CHAMP1: variants seen among roughly 807,000 people sequenced by gnomAD.
CHAMP1 encodes chromosome alignment-maintaining phosphoprotein 1.
A neutral mutation model predicts 54.5 loss-of-function variants in CHAMP1; 4 were observed. That is an observed-to-expected ratio of 0.07 (90% CI 0.04 to 0.17). CHAMP1 has a LOEUF of 0.17. Among genes scored for constraint, CHAMP1 ranks in the 10% least tolerant of loss-of-function variants. The pLI, the probability that CHAMP1 is intolerant of heterozygous loss-of-function variation, is 1.00. For missense variants in CHAMP1, 994 were observed against 968.6 expected, an observed-to-expected ratio of 1.03 and a Z score of -0.35; for synonymous variants, 368 against 342.2, an observed-to-expected ratio of 1.08 and a Z score of -0.83.
chr13:114,317,063 G>T (rs913383613), intron 1 of CHAMP1, among the ~76,000 whole-genome samples: 1 of 152,026 alleles, frequency 6.6e-6, no homozygotes, highest in Non-Finnish European at 1.5e-5. Flanking sequence ...CTGTTGCCCA[G>T]CTGGAGTGCA....
intron 1 of CHAMP1, among the ~76,000 whole-genome samples, chr13:114,316,364 C>T (rs111815492): frequency 0.044 from 6,705 of 151,628 alleles, 369 homozygotes; most frequent in African/African-American, 0.12. Context: ...GGTTTCTCCA[C>T]GTTGGTTAGG....
intron 1 of CHAMP1, among the ~76,000 whole-genome samples, chr13:114,316,752 A>ATTT (rs201616810): frequency 1.5e-5 from 2 of 136,898 alleles, no homozygotes; most frequent in Non-Finnish European, 3.2e-5. Context: ...AGTGCTTTGG[A>ATTT]TTTTTTTTTT....
Position 114,326,849 on chromosome 13 carries a change from A to G in CHAMP1, c.*568A>G, listed in dbSNP as rs2087257620. 1 of 167,046 alleles carries G rather than the reference A, an allele frequency of 6.0e-6. No homozygotes were observed. The highest frequency in any genetic ancestry group is 1.5e-5 in the Non-Finnish European group (1 of 68,108). The allele number at this position is 167,046 out of a possible 1,614,324, so 10.3% of individuals were successfully genotyped here. ...GGTTGCTGATTTTCTGCTAATGGGA[A>G]AAATTGACTAAGTCTTTAAAATAGT... On this transcript the variant is annotated 3_prime_UTR_variant, in exon 3 of 3. Transcript: ENST00000361283.
Position 114,325,810 on chromosome 13 carries a change from G to A in CHAMP1, c.1968G>A (p.Glu656=), listed in dbSNP as rs2087242852. ...GCCAGGAATCAAGCAGTGATCAAGAGCAGGTTGATGTGGAATCCATTGATT... is the reference window on the plus strand; with the variant it reads ...GCCAGGAATCAAGCAGTGATCAAGAACAGGTTGATGTGGAATCCATTGATT... The part of the protein sequence containing the change: ...IKGQESSSDQ[E]QVDVESIDFS... Residue 656 remains glutamate (E), a synonymous_variant, in exon 3 of 3, where the codon GAG becomes GAA. Coordinates refer to ENST00000361283, the MANE Select transcript of CHAMP1 (RefSeq NM_032436.4). The A allele has an allele frequency of 2.5e-6, 4 of 1,614,166 alleles. No homozygotes were observed. The highest frequency in any genetic ancestry group is 3.4e-6 in the Non-Finnish European group (4 of 1,180,032).
intron 1 of CHAMP1, among the ~76,000 whole-genome samples, chr13:114,316,596 AAAT>A (rs1430800281): frequency 6.6e-6 from 1 of 151,996 alleles, no homozygotes; most frequent in East Asian, 1.9e-4. Context: ...TCTCAAAAAA[AAAT>A]AAATAAATAA....
In CHAMP1 at chr13:114,326,413, G is replaced by GT. The variant is rs2087252077; in HGVS notation, c.*134dup. 1.9e-6 allele frequency: 2 copies of GT among 1,041,090 alleles called. No homozygotes were observed. The highest frequency in any genetic ancestry group is 2.7e-6 in the Non-Finnish European group (2 of 748,906). The allele number at this position is 1,041,090 out of a possible 1,614,324, so 64.5% of individuals were successfully genotyped here. ...TACCGTGTTTCACTGTCTCAGTTGT[G>GT]TTACTAAGAATGAGCATTTGATCAT... On this transcript the variant is annotated 3_prime_UTR_variant, in exon 3 of 3. Transcript: ENST00000361283.
At position 114,325,676 on chromosome 13, in the gene CHAMP1, T is replaced by G; in HGVS notation, c.1834T>G (p.Leu612Val). 1 of 1,613,830 alleles carries G rather than the reference T, an allele frequency of 6.2e-7. No individual in the cohort carries two copies. The highest frequency in any genetic ancestry group is 1.1e-5 in the South Asian group (1 of 91,032). The change falls in exon 3 of 3, where the codon TTA (leucine) becomes GTA (valine). Residue 612 changes from leucine to valine, a missense_variant. Physicochemically the swap from Leu to Val is conservative, Grantham distance 32 (BLOSUM62 1). This residue lies in a region of CHAMP1 where 851 missense variants were observed against 701.3 expected (regional missense o/e 1.21). Coordinates refer to ENST00000361283, the MANE Select transcript of CHAMP1 (RefSeq NM_032436.4). ...ASPKKLLEDT[L>V]FPSSKKLKKD... is the part of the protein sequence containing the mutation. ...ACCTAAGAAACTCTTAGAAGATACT[T>G]TATTTCCTTCCTCAAAGAAGCTCAA...
rs376779518 is a variant in CHAMP1 at position 114,318,189 on chromosome 13, T to C, written c.-178-2921T>C. ...ACCAGAATAAAAAAACTGTTCCCTC[T>C]GACCTCAGTGTTGTGATCTTTGACA... On this transcript the variant is annotated intron_variant, in intron 1 of 2. Transcript: ENST00000361283. Among the ~76,000 whole-genome samples the C allele has an allele frequency of 1.4e-4, 21 of 152,328 alleles. No individual in the cohort carries two copies. The East Asian group carries it at 3.5e-3, about 25-fold the overall frequency.
chr13:114,314,900 A>T (rs1274568538), intron 1 of CHAMP1, among the ~76,000 whole-genome samples: 1 of 152,154 alleles, frequency 6.6e-6, no homozygotes, highest in Non-Finnish European at 1.5e-5. Flanking sequence ...GTTTGAAACC[A>T]TTGGGAAGTT....
rs2087252041 is a variant in CHAMP1, at chr13:114,326,412, T to A, written c.*131T>A. The A allele has an allele frequency of 3.8e-6, 4 of 1,051,442 alleles. No homozygotes were observed. In the South Asian group the frequency reaches 8.4e-5, roughly 22 times the overall value. 65.1% of individuals were successfully genotyped at this position (1,051,442 alleles called of 1,614,324 possible). A position where few individuals can be genotyped will look rare whatever the true frequency, so the allele number is the denominator to read the frequency against. ...GTACCGTGTTTCACTGTCTCAGTTG[T>A]GTTACTAAGAATGAGCATTTGATCA... On this transcript the variant is annotated 3_prime_UTR_variant, in exon 3 of 3. Transcript: ENST00000361283.
rs541199861 is a variant in CHAMP1, at chr13:114,326,340, A to G, written c.*59A>G. On this transcript the variant is annotated 3_prime_UTR_variant, in exon 3 of 3. Coordinates refer to ENST00000361283, the MANE Select transcript of CHAMP1 (RefSeq NM_032436.4). ...TTTGTTGGAACCATTCTTTGTAAGT[A>G]TAGCTTATCAGATAGCATAGTTGGA... is the stretch of plus-strand genomic sequence containing the variant. 8.0e-6 allele frequency: 12 copies of G among 1,503,012 alleles called. No individual in the cohort carries two copies. The South Asian group carries it at 1.2e-4, about 16-fold the overall frequency. The allele number at this position is 1,503,012 out of a possible 1,614,324, so 93.1% of individuals were successfully genotyped here. A position where few individuals can be genotyped will look rare whatever the true frequency, so the allele number is the denominator to read the frequency against.
rs139187778 is a variant in CHAMP1 at position 114,324,099 on chromosome 13, C to A, written c.257C>A (p.Ala86Glu). The A allele has an allele frequency of 9.3e-6, 15 of 1,614,098 alleles. No individual in the cohort carries two copies. In the African/African-American group the frequency reaches 1.9e-4, roughly 20 times the overall value. ...NVYYHITSKH[A>E]SPDKWNDKPK... ...TACTATCACATCACATCCAAACATG[C>A]ATCCCCAGACAAATGGAATGATAAA... The change falls in exon 3 of 3, where the codon GCA becomes GAA. Residue 86 changes from alanine (A) to glutamate (E), a missense_variant. Ala to Glu is a moderately radical substitution (Grantham distance 107). Transcript: ENST00000361283.
chr13:114,320,664 G>A (rs1048759811), intron 1 of CHAMP1, among the ~76,000 whole-genome samples: 2 of 152,080 alleles, frequency 1.3e-5, no homozygotes, highest in Non-Finnish European at 2.9e-5. Context: ...TTTCATAAAA[G>A]TAAGTGTTCG....
chr13:114,325,050 C>T lies in CHAMP1; in HGVS notation c.1208C>T (p.Thr403Met), dbSNP rs1566791959. The T allele has an allele frequency of 3.1e-6, 5 of 1,614,050 alleles. No individual in the cohort carries two copies. The highest frequency in any genetic ancestry group is 1.3e-5 in the African/African-American group (1 of 74,906). Reference protein sequence around the residue: ...GPPELRKTAPTLSPEHWKAVP... With the variant: ...GPPELRKTAPMLSPEHWKAVP... ...CCAGAACTCCGAAAGACAGCTCCCA[C>T]GTTGTCTCCTGAACATTGGAAGGCA... Residue 403 changes from threonine to methionine, a missense_variant, in exon 3 of 3, where the codon ACG becomes ATG. Transcript: ENST00000361283.
In CHAMP1 at chr13:114,326,258, C is replaced by T. The variant is rs781807614; in HGVS notation, c.2416C>T (p.Pro806Ser). ...AAAGCTAATGGAAGCTCTTGAACCGCCACTGGAGGAGCAGCAAATTTGATA... is the reference window on the plus strand; with the variant it reads ...AAAGCTAATGGAAGCTCTTGAACCGTCACTGGAGGAGCAGCAAATTTGATA... ...NKKLMEALEP[P>S]LEEQQI Residue 806 changes from proline to serine, a missense_variant, in exon 3 of 3, where the codon CCA becomes TCA. By Grantham distance (74) the Pro-to-Ser change is moderately conservative. Transcript: ENST00000361283. 5.1e-6 allele frequency: 8 copies of T among 1,573,638 alleles called. No homozygotes were observed. The East Asian group carries it at 1.8e-4, about 35-fold the overall frequency.
At chr13:114,316,278 C>G (rs968932672) in intron 1 of CHAMP1, among the ~76,000 whole-genome samples, 6 of 151,208 alleles carry the variant, frequency 4.0e-5, no homozygotes, top group Middle Eastern at 3.2e-3. Context: ...ATTCTCCTGC[C>G]TCAGCCTCCC....
chr13:114,325,849 C>G lies in CHAMP1; in HGVS notation c.2007C>G (p.Asn669Lys). The G allele has an allele frequency of 6.2e-7, 1 of 1,614,030 alleles. No individual in the cohort carries two copies. Residue 669 changes from asparagine (N) to lysine (K), a missense_variant, in exon 3 of 3, where the codon AAC (asparagine) becomes AAG (lysine). By Grantham distance (94) the Asn-to-Lys change is moderately conservative. Around this residue, in one of 3 missense-constraint regions of CHAMP1, gnomAD observed 851 missense variants for 701.3 expected, o/e 1.21. Transcript: ENST00000361283. ...DVESIDFSKE[N>K]KMDMTSPEQS... ...AATCCATTGATTTTAGCAAAGAGAA[C>G]AAAATGGACATGACTAGTCCAGAGC...
At position 114,326,205 on chromosome 13, in the gene CHAMP1, A is replaced by G; in HGVS notation, c.2363A>G (p.Gln788Arg). The G allele has an allele frequency of 6.2e-7, 1 of 1,606,608 alleles. No homozygotes were observed. Among genetic ancestry groups the G allele is most frequent in the Non-Finnish European group, 8.5e-7 (1 of 1,176,248 alleles). Reference protein sequence around the residue: ...RGFKKHLTHCQSRHNEEANKK... With the variant: ...RGFKKHLTHCRSRHNEEANKK... ...TTTAAGAAACATTTAACTCATTGTC[A>G]AAGCCGGCATAATGAAGAGGCAAAT... is the stretch of plus-strand genomic sequence containing the variant. The change falls in exon 3 of 3, where the codon CAA (glutamine) becomes CGA (arginine). Residue 788 changes from glutamine (Q) to arginine (R), a missense_variant. By Grantham distance (43) the Gln-to-Arg change is conservative. Around this residue, in one of 3 missense-constraint regions of CHAMP1, gnomAD observed 59 missense variants for 146.7 expected, o/e 0.40. Transcript: ENST00000361283.
In CHAMP1 at chr13:114,325,863, C is replaced by T. The variant is rs1406438016; in HGVS notation, c.2021C>T (p.Thr674Ile). The change falls in exon 3 of 3, where the codon ACT becomes ATT. Residue 674 changes from threonine to isoleucine, a missense_variant. This residue lies in a region of CHAMP1 where 851 missense variants were observed against 701.3 expected (regional missense o/e 1.21). Coordinates refer to ENST00000361283, the MANE Select transcript of CHAMP1 (RefSeq NM_032436.4). Reference sequence around the variant, plus strand: ...AGCAAAGAGAACAAAATGGACATGACTAGTCCAGAGCAGTCTAGAAATGTG... The same window carrying T: ...AGCAAAGAGAACAAAATGGACATGATTAGTCCAGAGCAGTCTAGAAATGTG... ...DFSKENKMDM[T>I]SPEQSRNVLQ... 1 of 1,614,072 alleles carries T rather than the reference C, an allele frequency of 6.2e-7. No homozygotes were observed. The highest frequency in any genetic ancestry group is 8.5e-7 in the Non-Finnish European group (1 of 1,180,012).
Sources: gnomAD v4.1 joint callset for allele counts (sites outside exome capture counted in the v4.1 genomes callset) on GRCh38, gnomAD v4.1.1 for gene constraint, gnomAD v4.1.1 regional missense constraint, MANE v1.5 for transcripts, NCBI Gene and HGNC (gene_info 2026-07-23, HGNC 2026-07-21) for gene names.